Variants in IFT74 observed in about 807,000 individuals in gnomAD.
The protein encoded by IFT74 is intraflagellar transport protein 74 homolog.
A neutral mutation model predicts 96.7 loss-of-function variants in IFT74; 92 were observed. That is an observed-to-expected ratio of 0.95 (90% CI 0.80 to 1.13). The LOEUF (loss-of-function observed/expected upper bound fraction) is 1.13, where lower values mean the gene tolerates loss of function less well. Ranked by LOEUF, IFT74 falls within the 50% of genes most tolerant of loss-of-function variation. The pLI is 0.00. For synonymous variants in IFT74, 223 were observed against 213.2 expected (o/e 1.05, Z -0.40); for missense variants, 811 against 698.2 (o/e 1.16, Z -1.82).
intron 10 of IFT74, among the ~76,000 whole-genome samples, chr9:27,016,676 C>A (rs1829358183): frequency 6.6e-6 from 1 of 152,094 alleles, no homozygotes; most frequent in Non-Finnish European, 1.5e-5. Flanking sequence ...ATAAAATAAA[C>A]TAAGGCTATC....
chr9:26,963,038 A>G (rs1273249104), intron 2 of IFT74, among the ~76,000 whole-genome samples: 1 of 151,098 alleles, frequency 6.6e-6, no homozygotes, highest in Non-Finnish European at 1.5e-5. Flanking sequence ...TACATGTGCC[A>G]TGCTGGTGTG....
intron 10 of IFT74, among the ~76,000 whole-genome samples, chr9:27,014,030 G>A (rs1270689028): frequency 6.6e-6 from 1 of 152,028 alleles, no homozygotes; most frequent in Non-Finnish European, 1.5e-5. Flanking sequence ...CCTTGCTAAC[G>A]TGGTGAAAAC....
In IFT74 at chr9:27,062,747, A is replaced by G. The variant is rs1229533190; in HGVS notation, c.*11A>G. ...ACCAGCGGAAACTGAGTTTAAGTCC[A>G]CTGAAAGTCTCTAAGGAAGTATCCT... On this transcript the variant is annotated 3_prime_UTR_variant, in exon 20 of 20. Coordinates refer to ENST00000380062, the MANE Select transcript of IFT74 (RefSeq NM_025103.4). 1.4e-6 allele frequency: 2 copies of G among 1,380,460 alleles called. No homozygotes were observed. The highest frequency in any genetic ancestry group is 1.2e-5 in the South Asian group (1 of 82,274). 85.5% of individuals were successfully genotyped at this position (1,380,460 alleles called of 1,614,324 possible). A position where few individuals can be genotyped will look rare whatever the true frequency, so the allele number is the denominator to read the frequency against.
At chr9:27,059,984 T>C (rs1820343655) in intron 18 of IFT74, among the ~76,000 whole-genome samples, 1 of 152,184 alleles carries the variant, frequency 6.6e-6, no homozygotes, top group East Asian at 1.9e-4. Context: ...AAAAACAATA[T>C]AATTCTATAA....
intron 13 of IFT74, among the ~76,000 whole-genome samples, chr9:27,032,242 T>C (rs187570269): frequency 6.6e-6 from 1 of 152,334 alleles, no homozygotes; most frequent in Admixed American, 6.5e-5. Flanking sequence ...CCATCTCCTT[T>C]CAGCTTCCAA....
chr9:27,014,030 G>T (rs1270689028), intron 10 of IFT74, among the ~76,000 whole-genome samples: 1 of 152,030 alleles, frequency 6.6e-6, no homozygotes, highest in Non-Finnish European at 1.5e-5. Flanking sequence ...CCTTGCTAAC[G>T]TGGTGAAAAC....
chr9:26,984,841 C>G (rs1827567496), intron 6 of IFT74, among the ~76,000 whole-genome samples: 1 of 152,156 alleles, frequency 6.6e-6, no homozygotes, highest in Admixed American at 6.5e-5. Flanking sequence ...AAAGGGAATG[C>G]TTATACACTG....
At chr9:26,947,313 A>G (rs1459271566) in intron 1 of IFT74, 1 of 460,190 alleles carries the variant, frequency 2.2e-6, no homozygotes, top group Non-Finnish European at 3.8e-6. Context: ...CCAACCGCCG[A>G]CGCCGATGCG....
rs376496742 is a variant in IFT74, at chr9:26,990,116, T to G, written c.526-18T>G. ...TTAATATTTATTTCTTACTAACTTA[T>G]GTGTTAACTTTATTCAGCTTAAAGC... On this transcript the variant is annotated intron_variant, in intron 7 of 19. Coordinates refer to ENST00000380062, the MANE Select transcript of IFT74 (RefSeq NM_025103.4). 6.2e-6 allele frequency: 9 copies of G among 1,458,992 alleles called. No individual in the cohort carries two copies. Among genetic ancestry groups the G allele is most frequent in the Non-Finnish European group, 8.2e-6 (9 of 1,097,402 alleles). 90.4% of individuals were successfully genotyped at this position (1,458,992 alleles called of 1,614,324 possible).
At chr9:27,055,544 T>G (rs989497711) in intron 16 of IFT74, 65 bp from the exon 17 acceptor site, 2 of 1,088,694 alleles carry the variant, frequency 1.8e-6, no homozygotes, top group African/African-American at 3.3e-5. Flanking sequence ...ATAGTTGCAT[T>G]ACATTTCCTT....
chr9:27,000,977 C>T (rs1828453282), intron 8 of IFT74, among the ~76,000 whole-genome samples: 2 of 152,108 alleles, frequency 1.3e-5, no homozygotes, highest in Admixed American at 6.5e-5. Context: ...CCTTTCCAGC[C>T]TCTGGTAACC....
chr9:27,047,232 A>T, intron 14 of IFT74, 42 bp from the exon 15 acceptor site: 2 of 1,193,002 alleles, frequency 1.7e-6, no homozygotes, highest in East Asian at 4.8e-5. Flanking sequence ...TATAGTGTTA[A>T]CTCTATCAGC....
At chr9:26,974,255 C>T (rs1827003304) in intron 2 of IFT74, among the ~76,000 whole-genome samples, 2 of 152,176 alleles carry the variant, frequency 1.3e-5, no homozygotes, top group Non-Finnish European at 2.9e-5. Context: ...CTGCGTCTCT[C>T]CTTACATACA....
chr9:27,020,709 C>G (rs554695752), intron 12 of IFT74, among the ~76,000 whole-genome samples: 1 of 152,036 alleles, frequency 6.6e-6, no homozygotes, highest in East Asian at 1.9e-4. Flanking sequence ...CTCCTGACCT[C>G]GTGATCTGCC....
At chr9:27,043,925 T>A (rs555700802) in intron 13 of IFT74, among the ~76,000 whole-genome samples, 2,568 of 152,350 alleles carry the variant, frequency 0.017, 71 homozygotes, top group African/African-American at 0.059. Flanking sequence ...ACTTCTCTTT[T>A]ATTCTCCAGA....
At chr9:27,060,498 G>T (rs1820365617) in intron 18 of IFT74, 93 bp from the exon 19 acceptor site, 1 of 698,942 alleles carries the variant, frequency 1.4e-6, no homozygotes, top group African/African-American at 1.8e-5. Context: ...AAGATTTAAA[G>T]TTGGAGAGAT....
intron 12 of IFT74, among the ~76,000 whole-genome samples, chr9:27,023,620 T>G (rs11534185): frequency 0.1 from 15,367 of 152,174 alleles, 1,834 homozygotes; most frequent in East Asian, 0.67. Flanking sequence ...TAGTTTTCTT[T>G]TTTTTGTTAT....
chr9:27,012,942 C>T (rs1163233577), intron 10 of IFT74, among the ~76,000 whole-genome samples: 2 of 152,016 alleles, frequency 1.3e-5, no homozygotes, highest in East Asian at 1.9e-4. Flanking sequence ...TGGTCTCGAT[C>T]TCCTGACCTT....
intron 9 of IFT74, among the ~76,000 whole-genome samples, 192 bp downstream of exon 9, chr9:27,009,350 T>C (rs1043875592): frequency 6.6e-6 from 1 of 152,238 alleles, no homozygotes; most frequent in Non-Finnish European, 1.5e-5. Context: ...AAACTTCATT[T>C]TCATCTGCTG....
Sources: allele counts gnomAD v4.1 joint callset (sites outside exome capture counted in the v4.1 genomes callset), GRCh38; gene constraint gnomAD v4.1.1; transcripts MANE v1.5; gene names NCBI Gene and HGNC (gene_info 2026-07-23, HGNC 2026-07-21).